MRTFB: variants seen among roughly 807,000 people sequenced by gnomAD.
MRTFB encodes the protein myocardin related transcription factor B, also known as myocardin-related transcription factor B.
A neutral mutation model predicts 104.2 loss-of-function variants in MRTFB; 29 were observed. The ratio of observed to expected loss-of-function variants is 0.28; its 90% CI spans 0.21 to 0.38. The LOEUF (loss-of-function observed/expected upper bound fraction) is 0.38. Among genes scored for constraint, MRTFB ranks in the 10% least tolerant of loss-of-function variants. MRTFB has a pLI of 1.00. For missense variants in MRTFB, 1,270 were observed against 1,341.6 expected (o/e 0.95, Z 0.83); for synonymous variants, 535 against 519.5 (o/e 1.03, Z -0.41).
Position 14,240,194 on chromosome 16 carries a change from G to A in MRTFB, c.832-43G>A, listed in dbSNP as rs758017650. The A allele has an allele frequency of 1.2e-5, 19 of 1,538,906 alleles. No individual in the cohort carries two copies. The South Asian group carries it at 2.5e-4, about 20-fold the overall frequency. ...TCACGCAGTACAAAAGATTTTATGT[G>A]GTGACATCTCTTTAAATGTTATTTT... On this transcript the variant is annotated intron_variant, in intron 9 of 16. Transcript: ENST00000571589.
At chr16:14,163,814 CAA>C (rs2039130165) in intron 3 of MRTFB, among the ~76,000 whole-genome samples, 1 of 142,480 alleles carries the variant, frequency 7.0e-6, no homozygotes, top group Admixed American at 7.2e-5. Flanking sequence ...GCCTGGGCAA[CAA>C]GAGCGAAACT....
rs1268921191 is a variant in MRTFB at position 14,240,240 on chromosome 16, A to G, written c.835A>G (p.Ser279Gly). ...AKPGPALVKQ[S>G]HPKNPNDKHR... ...ATTTTCTTTTTCTCAAAAATAGCAAAGCCATCCCAAGAATCCAAATGACAA... is the reference window on the plus strand; with the variant it reads ...ATTTTCTTTTTCTCAAAAATAGCAAGGCCATCCCAAGAATCCAAATGACAA... Residue 279 changes from serine (S) to glycine (G), a missense_variant, in exon 10 of 17, where the codon AGC (serine) becomes GGC (glycine). Ser to Gly is a moderately conservative substitution (Grantham distance 56). Coordinates refer to ENST00000571589, the MANE Select transcript of MRTFB (RefSeq NM_001308142.2). The G allele has an allele frequency of 1.3e-6, 2 of 1,588,730 alleles. No homozygotes were observed. Among genetic ancestry groups the G allele is most frequent in the African/African-American group, 1.4e-5 (1 of 73,634 alleles).
At chr16:14,059,559 G>C in the MRTFB span, among the ~76,000 whole-genome samples, 1 of 152,196 alleles carries the variant, frequency 6.6e-6, no homozygotes, top group African/African-American at 2.4e-5. Flanking sequence ...GAGGCATCCA[G>C]TCGGCAGGTG....
intron 2 of MRTFB, among the ~76,000 whole-genome samples, chr16:14,100,906 C>G (rs190838177): frequency 6.6e-6 from 1 of 152,058 alleles, no homozygotes; most frequent in Non-Finnish European, 1.5e-5. Context: ...ATGACGTTGC[C>G]TCTCTCACTC....
chr16:14,036,936 G>T, the MRTFB span, among the ~76,000 whole-genome samples: 3 of 149,192 alleles, frequency 2.0e-5, no homozygotes, highest in African/African-American at 7.4e-5. Context: ...TAATTAGCTT[G>T]TCAAGTTCAC....
At chr16:13,999,576 A>C in the MRTFB span, among the ~76,000 whole-genome samples, 1 of 152,082 alleles carries the variant, frequency 6.6e-6, no homozygotes. Context: ...TAAAGATGCA[A>C]AGTTTAGAAC....
chr16:14,214,432 A>T (rs1176515194), intron 6 of MRTFB, among the ~76,000 whole-genome samples: 8 of 152,196 alleles, frequency 5.3e-5, no homozygotes, highest in African/African-American at 1.9e-4. Context: ...GGGCCTAATG[A>T]TAGGATTAGA....
intron 3 of MRTFB, among the ~76,000 whole-genome samples, chr16:14,159,577 A>G (rs1296154575): frequency 2.0e-5 from 3 of 152,236 alleles, no homozygotes; most frequent in Admixed American, 1.3e-4. Context: ...AAAGTAGGGC[A>G]ACAATCTTTA....
the MRTFB span, among the ~76,000 whole-genome samples, chr16:13,995,581 C>G: frequency 1.3e-5 from 2 of 152,136 alleles, no homozygotes; most frequent in Admixed American, 6.5e-5. Context: ...CCTGACACTA[C>G]TATAAAGAAC....
chr16:14,246,990 A>C lies in MRTFB; in HGVS notation c.1730A>C (p.Lys577Thr). The change falls in exon 12 of 17, where the codon AAA becomes ACA. Residue 577 changes from lysine (K) to threonine (T), a missense_variant. Coordinates refer to ENST00000571589, the MANE Select transcript of MRTFB (RefSeq NM_001308142.2). The part of the protein sequence containing the change: ...AAEKDRKLQE[K>T]EKQIEELKRK... The stretch of plus-strand genomic sequence containing the variant: ...GAAAAGGATCGCAAGCTTCAGGAGA[A>C]AGAGAAGCAAATCGAAGAGCTGAAG... 1 of 1,614,228 alleles carries C rather than the reference A, an allele frequency of 6.2e-7. No individual in the cohort carries two copies.
At chr16:14,247,637 A>C (rs1235005516) in intron 12 of MRTFB, 130 bp downstream of exon 12, 1 of 764,190 alleles carries the variant, frequency 1.3e-6, no homozygotes, top group East Asian at 2.7e-5. Flanking sequence ...AAACGTATGC[A>C]TGTGTGAGAG....
At position 14,212,419 on chromosome 16, in the gene MRTFB, T is replaced by C. The variant is rs2041231931; in HGVS notation, c.276+10T>C. On this transcript the variant is annotated intron_variant, in intron 5 of 16. Transcript: ENST00000571589. ...CTTGGAACGAGCCAGAGTAAGACAT[T>C]TCACTTTAAAATGTTCTACTTCTCT... The C allele has an allele frequency of 3.1e-6, 5 of 1,613,326 alleles. No individual in the cohort carries two copies. In the South Asian group the frequency reaches 5.5e-5, roughly 18 times the overall value.
chr16:14,115,821 C>A (rs1240748051), intron 2 of MRTFB, among the ~76,000 whole-genome samples: 1 of 152,114 alleles, frequency 6.6e-6, no homozygotes, highest in East Asian at 1.9e-4. Context: ...TTGCAGAGAA[C>A]TGTAATAGGT....
At chr16:14,140,441 G>A (rs1197468987) in intron 2 of MRTFB, 103 bp from the exon 3 acceptor site, 4 of 737,032 alleles carry the variant, frequency 5.4e-6, no homozygotes, top group African/African-American at 1.8e-5. Context: ...TGACCATACA[G>A]CAGTAAAACT....
At chr16:14,234,926 G>A (rs896974294) in intron 9 of MRTFB, among the ~76,000 whole-genome samples, 1 of 152,220 alleles carries the variant, frequency 6.6e-6, no homozygotes, top group Non-Finnish European at 1.5e-5. Flanking sequence ...TCTAGATATG[G>A]TGGGTGAGGA....
At position 14,253,277 on chromosome 16, in the gene MRTFB, A is replaced by G. The variant is rs1226143801; in HGVS notation, c.2703+775A>G. Among the ~76,000 whole-genome samples the G allele has an allele frequency of 5.9e-5, 9 of 152,338 alleles. No individual in the cohort carries two copies. In the East Asian group the frequency reaches 1.7e-3, roughly 29 times the overall value. On this transcript the variant is annotated intron_variant, in intron 15 of 16. Coordinates refer to ENST00000571589, the MANE Select transcript of MRTFB (RefSeq NM_001308142.2). ...AAGCTTAAAACTAACCTTTGAGGGA[A>G]GAACCCCAGCCTCATAGAGGATTCA...
intron 1 of MRTFB, among the ~76,000 whole-genome samples, chr16:14,072,449 G>A (rs1382222206): frequency 1.3e-5 from 2 of 152,094 alleles, no homozygotes; most frequent in Non-Finnish European, 2.9e-5. Flanking sequence ...CATTTGTATT[G>A]GTTAAAAAAA....
At chr16:14,244,389 T>C (rs2042925149) in intron 10 of MRTFB, among the ~76,000 whole-genome samples, 1 of 152,216 alleles carries the variant, frequency 6.6e-6, no homozygotes, top group South Asian at 2.1e-4. Context: ...TGTCTTTCTG[T>C]TAGATGTCTT....
chr16:14,190,677 C>T (rs960491058), intron 3 of MRTFB, among the ~76,000 whole-genome samples: 6 of 152,230 alleles, frequency 3.9e-5, no homozygotes, highest in African/African-American at 1.4e-4. Flanking sequence ...CTAAAACTGC[C>T]CTAACAGACA....
Sources: allele counts gnomAD v4.1 joint callset (sites outside exome capture counted in the v4.1 genomes callset), GRCh38; gene constraint gnomAD v4.1.1; transcripts MANE v1.5; gene names NCBI Gene and HGNC (gene_info 2026-07-23, HGNC 2026-07-21).